Variants in NRG3 observed in about 807,000 individuals in gnomAD.
NRG3 encodes the protein pro-neuregulin-3, membrane-bound isoform.
In NRG3, 31 loss-of-function variants were observed where a neutral mutation model predicts 66.9. That is an observed-to-expected ratio of 0.46 (90% CI 0.35 to 0.63). The LOEUF is 0.63. Ranked by LOEUF, NRG3 falls within the 20% of genes least tolerant of loss-of-function variation. The probability of loss-of-function intolerance (pLI) is 0.00; values close to 1 mark genes in which losing one functional copy is unlikely to be tolerated. For synonymous variants in NRG3, 393 were observed against 359.4 expected, an observed-to-expected ratio of 1.09 and a Z score of -1.06; for missense variants, 910 against 878.9, an observed-to-expected ratio of 1.04 and a Z score of -0.45.
intron 1 of NRG3, among the ~76,000 whole-genome samples, chr10:82,041,388 C>T (rs1182010912): frequency 3.3e-5 from 5 of 152,010 alleles, no homozygotes; most frequent in Admixed American, 1.3e-4. Context: ...CATTTTCCCT[C>T]CCAACAGGAA....
chr10:82,137,577 C>T (rs541456723), intron 1 of NRG3, among the ~76,000 whole-genome samples: 3 of 152,104 alleles, frequency 2.0e-5, no homozygotes, highest in African/African-American at 4.8e-5. Context: ...TAGACACATT[C>T]GTAAACAGAT....
chr10:82,525,708 G>GA (rs372778181), intron 2 of NRG3, among the ~76,000 whole-genome samples: 4 of 150,954 alleles, frequency 2.6e-5, no homozygotes, highest in Non-Finnish European at 5.9e-5. Context: ...TTAGAAACCA[G>GA]AAAAAAACAG....
intron 1 of NRG3, among the ~76,000 whole-genome samples, chr10:82,131,237 G>T (rs373484810): frequency 1.3e-5 from 2 of 152,068 alleles, no homozygotes; most frequent in African/African-American, 4.8e-5. Context: ...AGAGATAGGG[G>T]TCTAATTTCA....
intron 1 of NRG3, among the ~76,000 whole-genome samples, chr10:82,215,762 G>A (rs986690678): frequency 6.6e-6 from 1 of 151,964 alleles, no homozygotes; most frequent in Admixed American, 6.6e-5. Context: ...TGATATTTCT[G>A]ATATTCTATG....
At chr10:82,940,272 G>A (rs1848475412) in intron 4 of NRG3, among the ~76,000 whole-genome samples, 1 of 152,078 alleles carries the variant, frequency 6.6e-6, no homozygotes, top group Non-Finnish European at 1.5e-5. Flanking sequence ...AGTTCTTATC[G>A]AGGTATTAGC....
chr10:82,041,361 G>A (rs2063028360), intron 1 of NRG3, among the ~76,000 whole-genome samples: 1 of 151,980 alleles, frequency 6.6e-6, no homozygotes, highest in South Asian at 2.1e-4. Flanking sequence ...AGCCCACTGT[G>A]AGCTGAGGTG....
At chr10:82,113,737 T>C (rs939874997) in intron 1 of NRG3, among the ~76,000 whole-genome samples, 1 of 152,168 alleles carries the variant, frequency 6.6e-6, no homozygotes, top group African/African-American at 2.4e-5. Context: ...CTAGGTAAGA[T>C]GTTAATTTTA....
In NRG3 at chr10:82,455,907, G is replaced by A. The variant is rs1409650466; in HGVS notation, c.953+97039G>A. Among the ~76,000 whole-genome samples, 5 of 151,792 alleles carry A rather than the reference G, an allele frequency of 3.3e-5. No individual in the cohort carries two copies. The East Asian group carries it at 7.8e-4, about 24-fold the overall frequency. On this transcript the variant is annotated intron_variant, in intron 2 of 8. Transcript: ENST00000372141. ...TGCTGGGAGTACAGGCGTGAGCCACGGCACCTGGCTAGATTACACTAAACT... is the reference window on the plus strand; with the variant it reads ...TGCTGGGAGTACAGGCGTGAGCCACAGCACCTGGCTAGATTACACTAAACT...
chr10:82,725,237 T>A (rs2057532020), intron 2 of NRG3, among the ~76,000 whole-genome samples: 1 of 152,184 alleles, frequency 6.6e-6, no homozygotes, highest in South Asian at 2.1e-4. Context: ...AGCATGCTGG[T>A]ATGGTTTGTT....
intron 3 of NRG3, among the ~76,000 whole-genome samples, chr10:82,850,790 G>A (rs2063525487): frequency 6.6e-6 from 1 of 151,888 alleles, no homozygotes; most frequent in South Asian, 2.1e-4. Context: ...TTTGAGTTCA[G>A]TGAGATTGTA....
chr10:82,222,910 T>A (rs2076010295), intron 1 of NRG3, among the ~76,000 whole-genome samples: 1 of 152,226 alleles, frequency 6.6e-6, no homozygotes, highest in Non-Finnish European at 1.5e-5. Flanking sequence ...TGTCCTGTTC[T>A]CTTCATTTTG....
Position 82,772,218 on chromosome 10 carries a change from C to G in NRG3, c.1027+33568C>G, listed in dbSNP as rs564386054. Among the ~76,000 whole-genome samples, 4 of 152,214 alleles carry G rather than the reference C, an allele frequency of 2.6e-5. No individual in the cohort carries two copies. In the South Asian group the frequency reaches 8.3e-4, roughly 32 times the overall value. ...ACATACAGAGGGTAAAATGGTTACT[C>G]TAGTGAAACAGATTAGCAGATCTAT... On this transcript the variant is annotated intron_variant, in intron 3 of 8. Coordinates refer to ENST00000372141, the MANE Select transcript of NRG3 (RefSeq NM_001010848.4).
At chr10:82,214,485 G>T (rs1386225736) in intron 1 of NRG3, among the ~76,000 whole-genome samples, 1 of 152,102 alleles carries the variant, frequency 6.6e-6, no homozygotes, top group Non-Finnish European at 1.5e-5. Context: ...CGCCCTTGGA[G>T]ACAAGGTCTC....
intron 1 of NRG3, among the ~76,000 whole-genome samples, chr10:82,177,148 T>C (rs572341223): frequency 6.6e-6 from 1 of 152,262 alleles, no homozygotes; most frequent in Admixed American, 6.6e-5. Flanking sequence ...ATGTTTGCTA[T>C]GTTTATATTA....
At chr10:82,470,108 A>T (rs1406393032) in intron 2 of NRG3, among the ~76,000 whole-genome samples, 7 of 152,186 alleles carry the variant, frequency 4.6e-5, no homozygotes, top group Admixed American at 3.3e-4. Flanking sequence ...TGTTTCTGAG[A>T]TGCAGAGCTC....
At chr10:82,289,018 C>T (rs890626972) in intron 1 of NRG3, among the ~76,000 whole-genome samples, 1 of 152,168 alleles carries the variant, frequency 6.6e-6, no homozygotes, top group Admixed American at 6.5e-5. Context: ...GAAGTGCTGC[C>T]ACTTCCATCC....
intron 2 of NRG3, among the ~76,000 whole-genome samples, chr10:82,660,192 C>G (rs1199564571): frequency 6.7e-5 from 2 of 29,658 alleles, no homozygotes; most frequent in African/African-American, 1.1e-4. Flanking sequence ...GCAAAACTCC[C>G]TCTCAAAAAA....
intron 3 of NRG3, among the ~76,000 whole-genome samples, chr10:82,762,945 C>T (rs1311380608): frequency 1.3e-5 from 2 of 152,188 alleles, no homozygotes; most frequent in Non-Finnish European, 2.9e-5. Context: ...TGTCCATCTC[C>T]TCTTTAAAAT....
At chr10:82,372,056 A>G (rs1671185643) in intron 2 of NRG3, among the ~76,000 whole-genome samples, 1 of 152,208 alleles carries the variant, frequency 6.6e-6, no homozygotes, top group South Asian at 2.1e-4. Context: ...GAAGATTCCA[A>G]AAATCAGTGC....
Sources: allele counts gnomAD v4.1 joint callset (sites outside exome capture counted in the v4.1 genomes callset), GRCh38; gene constraint gnomAD v4.1.1; transcripts MANE v1.5; gene names NCBI Gene and HGNC (gene_info 2026-07-23, HGNC 2026-07-21).